The following XRN1 variants were observed in gnomAD, a reference collection of about 807,000 sequenced individuals.
XRN1 encodes the protein strand-exchange protein 1 homolog.
Under a neutral mutation model 222.3 loss-of-function variants are expected in XRN1, and 67 were observed. The ratio of observed to expected loss-of-function variants is 0.30; its 90% CI spans 0.25 to 0.37. The LOEUF (loss-of-function observed/expected upper bound fraction) is 0.37. Ranked by LOEUF, XRN1 falls within the 10% of genes least tolerant of loss-of-function variation. The pLI is 1.00. For missense variants in XRN1, 1,707 were observed against 2,000.2 expected, an observed-to-expected ratio of 0.85 and a Z score of 2.80; for synonymous variants, 643 against 652.4, an observed-to-expected ratio of 0.99 and a Z score of 0.22.
chr3:142,429,021 G>C (rs1480575085), intron 2 of XRN1, among the ~76,000 whole-genome samples: 1 of 152,006 alleles, frequency 6.6e-6, no homozygotes, highest in Non-Finnish European at 1.5e-5. Flanking sequence ...TACAAAGAGA[G>C]AATGTGGTTA....
At chr3:142,374,357 G>C (rs1184558266) in intron 25 of XRN1, among the ~76,000 whole-genome samples, 1 of 152,136 alleles carries the variant, frequency 6.6e-6, no homozygotes, top group Non-Finnish European at 1.5e-5. Flanking sequence ...ATGGAACTGA[G>C]CAATCACCTG....
intron 20 of XRN1, among the ~76,000 whole-genome samples, chr3:142,394,281 T>C (rs2067846273): frequency 6.6e-6 from 1 of 152,228 alleles, no homozygotes; most frequent in African/African-American, 2.4e-5. Flanking sequence ...CAAAATCCAG[T>C]GCTGAGTAAA....
At chr3:142,321,105 CTTTT>C (rs573856556) in intron 37 of XRN1, among the ~76,000 whole-genome samples, 4 of 87,278 alleles carry the variant, frequency 4.6e-5, no homozygotes, top group South Asian at 4.0e-4. Context: ...CATCCACTTC[CTTTT>C]TTTTTTTTTT....
intron 1 of XRN1, among the ~76,000 whole-genome samples, chr3:142,445,410 T>C (rs2070459026): frequency 6.6e-6 from 1 of 152,258 alleles, no homozygotes; most frequent in African/African-American, 2.4e-5. Flanking sequence ...TGTCCCTTTT[T>C]CTCGTATAAT....
intron 29 of XRN1, among the ~76,000 whole-genome samples, chr3:142,362,233 G>A (rs556867313): frequency 6.6e-6 from 1 of 152,120 alleles, no homozygotes; most frequent in South Asian, 2.1e-4. Flanking sequence ...TGCCTCCCAG[G>A]TTCAAGTGAT....
chr3:142,422,526 AGGGTAAG>A, intron 8 of XRN1, 49 bp downstream of exon 8: 1 of 1,520,252 alleles, frequency 6.6e-7, no homozygotes, highest in East Asian at 2.3e-5. Flanking sequence ...TCACATTTTT[AGGGTAAG>A]GTGGCACTAA....
At chr3:142,344,418 G>A (rs932878242) in intron 33 of XRN1, among the ~76,000 whole-genome samples, 4 of 152,038 alleles carry the variant, frequency 2.6e-5, no homozygotes, top group African/African-American at 9.7e-5. Context: ...AAGGATGCAT[G>A]TTCTCACCAC....
Position 142,383,463 on chromosome 3 carries a change from G to A in XRN1, c.2503-50C>T, listed in dbSNP as rs201252079. 389 of 1,478,856 alleles carry A rather than the reference G, an allele frequency of 2.6e-4. No individual in the cohort carries two copies. In the African/African-American group the frequency reaches 4.3e-3, roughly 16 times the overall value. 91.6% of individuals were successfully genotyped at this position (1,478,856 alleles called of 1,614,324 possible). Reference sequence around the variant, plus strand: ...CTTAGTCATAATTTCTATAGATTGCGTATCAAGTTTTTTTCCTATGGGATT... The same window carrying A: ...CTTAGTCATAATTTCTATAGATTGCATATCAAGTTTTTTTCCTATGGGATT... On this transcript the variant is annotated intron_variant, in intron 21 of 40. Coordinates refer to ENST00000392981, the MANE Select transcript of XRN1 (RefSeq NM_001282857.2).
At chr3:142,384,410 C>A (rs2107946059) in intron 21 of XRN1, 113 bp downstream of exon 21, 1 of 755,236 alleles carries the variant, frequency 1.3e-6, no homozygotes, top group East Asian at 3.1e-5. Context: ...ATGATAATCT[C>A]TATTATACAT....
chr3:142,436,289 A>C (rs533891491), intron 1 of XRN1, among the ~76,000 whole-genome samples: 1 of 152,302 alleles, frequency 6.6e-6, no homozygotes, highest in South Asian at 2.1e-4. Flanking sequence ...ATGTTATTAA[A>C]AGCAATGGCT....
chr3:142,414,982 G>T (rs928288744), intron 13 of XRN1, among the ~76,000 whole-genome samples: 2 of 152,110 alleles, frequency 1.3e-5, no homozygotes, highest in African/African-American at 4.8e-5. Flanking sequence ...CTTGAGCCTG[G>T]ATCATTTAAG....
intron 26 of XRN1, among the ~76,000 whole-genome samples, chr3:142,370,945 G>T (rs1410157112): frequency 6.6e-6 from 1 of 151,964 alleles, no homozygotes. Flanking sequence ...ACTTTGGGAG[G>T]CCAAGGAGCA....
intron 40 of XRN1, 63 bp from the exon 41 acceptor site, chr3:142,311,876 T>C (rs1023155241): frequency 5.4e-6 from 8 of 1,482,584 alleles, no homozygotes; most frequent in Non-Finnish European, 7.2e-6. Flanking sequence ...GTGTTGGAAA[T>C]TACCATAAAC....
rs189137773 is a variant in XRN1, at chr3:142,373,930, T to C, written c.2978+1868A>G. Among the ~76,000 whole-genome samples the C allele has an allele frequency of 3.2e-3, 486 of 152,164 alleles. 2 individuals are homozygous for C. Among genetic ancestry groups the C allele is most frequent in the African/African-American group, 9.6e-3 (399 of 41,502 alleles). ...TGGGGAGGCAGAGGTTGCAGTGAGCTGAGATCGTGCCACTGCACTCCAGCC... is the reference window on the plus strand; with the variant it reads ...TGGGGAGGCAGAGGTTGCAGTGAGCCGAGATCGTGCCACTGCACTCCAGCC... On this transcript the variant is annotated intron_variant, in intron 25 of 40. Coordinates refer to ENST00000392981, the MANE Select transcript of XRN1 (RefSeq NM_001282857.2).
chr3:142,325,478 T>A (rs1381991681), intron 37 of XRN1, among the ~76,000 whole-genome samples: 1 of 152,118 alleles, frequency 6.6e-6, no homozygotes, highest in African/African-American at 2.4e-5. Context: ...GCAGGTTTGT[T>A]ACATGGGTAT....
intron 13 of XRN1, among the ~76,000 whole-genome samples, chr3:142,416,909 G>C (rs1273216813): frequency 6.6e-6 from 1 of 150,786 alleles, no homozygotes; most frequent in Non-Finnish European, 1.5e-5. Context: ...GCGCATGCCT[G>C]TAATCCCAGC....
chr3:142,318,976 A>T, intron 37 of XRN1, 73 bp from the exon 38 acceptor site: 1 of 1,190,720 alleles, frequency 8.4e-7, no homozygotes, highest in South Asian at 1.6e-5. Context: ...GTTTAGTCTA[A>T]ACAAGTAAAA....
At chr3:142,352,534 C>T (rs2066339499) in intron 32 of XRN1, among the ~76,000 whole-genome samples, 1 of 151,368 alleles carries the variant, frequency 6.6e-6, no homozygotes, top group Non-Finnish European at 1.5e-5. Context: ...TGTTTATATT[C>T]CCTTTGTAAT....
At position 142,311,719 on chromosome 3, in the gene XRN1, G is replaced by C. The variant is rs780488740; in HGVS notation, c.4877C>G (p.Ser1626Cys). Reference sequence around the variant, plus strand: ...TGGACTTACTTTGACAATGTTGGAAGAATCTGGCTGGCTAGTCTGAACTGG... The same window carrying C: ...TGGACTTACTTTGACAATGTTGGAACAATCTGGCTGGCTAGTCTGAACTGG... Reference protein sequence around the residue: ...ATPVQTSQPDSSNIVKVSPRE... With the variant: ...ATPVQTSQPDCSNIVKVSPRE... The change falls in exon 41 of 41, where the codon TCT (serine) becomes TGT (cysteine). Residue 1626 changes from serine (S) to cysteine (C), a missense_variant. By Grantham distance (112) the Ser-to-Cys change is moderately radical. Transcript: ENST00000392981. 6.2e-6 allele frequency: 10 copies of C among 1,614,170 alleles called. No individual in the cohort carries two copies. The highest frequency in any genetic ancestry group is 2.2e-5 in the South Asian group (2 of 91,076).
Sources: gnomAD v4.1 joint callset for allele counts (sites outside exome capture counted in the v4.1 genomes callset) on GRCh38, gnomAD v4.1.1 for gene constraint, MANE v1.5 for transcripts, NCBI Gene and HGNC (gene_info 2026-07-23, HGNC 2026-07-21) for gene names.